The following CATSPERB variants were observed in gnomAD, a reference collection of about 807,000 sequenced individuals.
The protein encoded by CATSPERB is catsper channel auxiliary subunit beta, also known as cation channel sperm-associated auxiliary subunit beta.
Under a neutral mutation model 128.3 loss-of-function variants are expected in CATSPERB, and 93 were observed. The observed-to-expected ratio is 0.72, with a 90% CI of 0.61 to 0.86. The LOEUF (loss-of-function observed/expected upper bound fraction) is 0.86. Ranked by LOEUF, CATSPERB falls within the 40% of genes least tolerant of loss-of-function variation. The probability of loss-of-function intolerance (pLI) is 0.00; values close to 1 mark genes in which losing one functional copy is unlikely to be tolerated. For synonymous variants in CATSPERB, 381 were observed against 448.8 expected (o/e 0.85, Z 1.91); for missense variants, 1,153 against 1,329.5 (o/e 0.87, Z 2.06).
chr14:91,675,504 G>T (rs777661001), intron 11 of CATSPERB, among the ~76,000 whole-genome samples: 1 of 152,200 alleles, frequency 6.6e-6, no homozygotes, highest in Admixed American at 6.5e-5. Flanking sequence ...AGCTGCTTGC[G>T]ACATTGTCTG....
At position 91,725,097 on chromosome 14, in the gene CATSPERB, G is replaced by A. The variant is rs1896097620; in HGVS notation, c.151C>T (p.Leu51Phe). 1 of 1,578,078 alleles carries A rather than the reference G, an allele frequency of 6.3e-7. No homozygotes were observed. Among genetic ancestry groups the A allele is most frequent in the Non-Finnish European group, 8.6e-7 (1 of 1,162,496 alleles). Residue 51 changes from leucine to phenylalanine, a missense_variant, in exon 3 of 27, where the codon CTT (leucine) becomes TTT (phenylalanine). By Grantham distance (22) the Leu-to-Phe change is conservative. Transcript: ENST00000256343. ...GACCTTACCAAGTTTTCTAAGAAAAGATACAACTTGATTATTTCATTCTCT... is the reference window on the plus strand; with the variant it reads ...GACCTTACCAAGTTTTCTAAGAAAAAATACAACTTGATTATTTCATTCTCT... ...PQENEIIKLYLFLENLKIQCF... is the reference protein window; with the variant it reads ...PQENEIIKLYFFLENLKIQCF...
chr14:91,622,846 T>G lies in CATSPERB; in HGVS notation c.1931-909A>C, dbSNP rs1362004140. The stretch of plus-strand genomic sequence containing the variant: ...TTCGAACCCATTCCAATCAGACTTT[T>G]GTCTACATGACTCCAGCCAACAGCT... On this transcript the variant is annotated intron_variant, in intron 18 of 26. Coordinates refer to ENST00000256343, the MANE Select transcript of CATSPERB (RefSeq NM_024764.4). Among the ~76,000 whole-genome samples the G allele has an allele frequency of 2.6e-5, 4 of 152,088 alleles. 1 individual carries two copies. In the East Asian group the frequency reaches 7.7e-4, roughly 29 times the overall value.
At chr14:91,620,664 C>CT (rs964159388) in intron 19 of CATSPERB, among the ~76,000 whole-genome samples, 10 of 151,726 alleles carry the variant, frequency 6.6e-5, no homozygotes, top group Middle Eastern at 3.2e-3. Flanking sequence ...ACTTCAAGGT[C>CT]TTTTTTTTGG....
chr14:91,718,020 G>A (rs1394838730), intron 5 of CATSPERB, among the ~76,000 whole-genome samples: 1 of 152,096 alleles, frequency 6.6e-6, no homozygotes, highest in Non-Finnish European at 1.5e-5. Flanking sequence ...TCCTGTCTGG[G>A]TGACTTTAGA....
At chr14:91,646,041 A>C (rs1894597413) in intron 15 of CATSPERB, 1 of 152,972 alleles carries the variant, frequency 6.5e-6, no homozygotes, top group Non-Finnish European at 1.5e-5. Context: ...TTCCCAGGTG[A>C]GGCAATGCCT....
intron 26 of CATSPERB, among the ~76,000 whole-genome samples, chr14:91,584,292 C>G (rs1286318418): frequency 6.6e-6 from 1 of 152,108 alleles, no homozygotes; most frequent in Non-Finnish European, 1.5e-5. Context: ...TGGTCTCGAA[C>G]TCCTGACCTC....
chr14:91,667,371 G>T (rs1046071177), intron 14 of CATSPERB, among the ~76,000 whole-genome samples: 2 of 152,096 alleles, frequency 1.3e-5, no homozygotes, highest in African/African-American at 4.8e-5. Flanking sequence ...CAGCAGAAAG[G>T]AAAGAGACAA....
At chr14:91,606,973 G>A (rs552305511) in intron 22 of CATSPERB, among the ~76,000 whole-genome samples, 14 of 151,758 alleles carry the variant, frequency 9.2e-5, no homozygotes, top group African/African-American at 2.4e-4. Context: ...GAAACTGGAC[G>A]TGGAGAAGAA....
At chr14:91,705,720 G>A (rs1215711865) in intron 6 of CATSPERB, among the ~76,000 whole-genome samples, 1 of 152,146 alleles carries the variant, frequency 6.6e-6, no homozygotes, top group Non-Finnish European at 1.5e-5. Context: ...CCTAGAATGA[G>A]TGAGGCTCTC....
chr14:91,634,220 CG>C (rs1555361241), intron 17 of CATSPERB, among the ~76,000 whole-genome samples: 1 of 151,980 alleles, frequency 6.6e-6, no homozygotes, highest in Non-Finnish European at 1.5e-5. Context: ...TTAAGAAAAT[CG>C]TAAGAAAGGG....
At chr14:91,599,189 A>G (rs899946663) in intron 22 of CATSPERB, among the ~76,000 whole-genome samples, 11 of 152,218 alleles carry the variant, frequency 7.2e-5, no homozygotes, top group African/African-American at 2.7e-4. Flanking sequence ...GGTCAGGGGC[A>G]TCTCCATTCA....
chr14:91,675,232 T>A (rs1341381178), intron 11 of CATSPERB, among the ~76,000 whole-genome samples: 3 of 152,186 alleles, frequency 2.0e-5, no homozygotes, highest in Non-Finnish European at 2.9e-5. Flanking sequence ...GAGTTGCTCA[T>A]GAATATTAGC....
chr14:91,610,410 G>A, intron 21 of CATSPERB, 70 bp downstream of exon 21: 1 of 1,220,280 alleles, frequency 8.2e-7, no homozygotes. Flanking sequence ...GAAACTGAAT[G>A]GGTAGGCAAT....
At chr14:91,663,203 A>G (rs1163167034) in intron 14 of CATSPERB, among the ~76,000 whole-genome samples, 1 of 152,174 alleles carries the variant, frequency 6.6e-6, no homozygotes. Context: ...ACCTAACCAA[A>G]TAAGAAAACT....
intron 5 of CATSPERB, among the ~76,000 whole-genome samples, chr14:91,708,443 C>T (rs1239658673): frequency 6.6e-6 from 1 of 152,134 alleles, no homozygotes; most frequent in Non-Finnish European, 1.5e-5. Context: ...GATCTTACCA[C>T]CATAGCAATG....
At position 91,587,222 on chromosome 14, in the gene CATSPERB, T is replaced by G; in HGVS notation, c.3112A>C (p.Asn1038His). 1 of 1,604,246 alleles carries G rather than the reference T, an allele frequency of 6.2e-7. No homozygotes were observed. Reference protein sequence around the residue: ...VTVISGVTFCNLIEEFQIYVD... With the variant: ...VTVISGVTFCHLIEEFQIYVD... The stretch of plus-strand genomic sequence containing the variant: ...TTTACCTGAAATTCTTCAATTAAGT[T>G]ACAAAAAGTTACTCCTGAAATGACG... The change falls in exon 26 of 27, where the codon AAC becomes CAC. Residue 1038 changes from asparagine (N) to histidine (H), a missense_variant. Coordinates refer to ENST00000256343, the MANE Select transcript of CATSPERB (RefSeq NM_024764.4).
intron 10 of CATSPERB, among the ~76,000 whole-genome samples, chr14:91,684,737 C>T (rs971903665): frequency 5.3e-5 from 8 of 151,614 alleles, no homozygotes; most frequent in Non-Finnish European, 7.4e-5. Context: ...GCCTCAGCCT[C>T]CTGAGTAGCT....
intron 10 of CATSPERB, 71 bp from the exon 11 acceptor site, chr14:91,684,014 A>G: frequency 8.9e-7 from 1 of 1,126,382 alleles, no homozygotes; most frequent in East Asian, 2.5e-5. Context: ...AAGATAGAAA[A>G]AACTAAAAAA....
intron 14 of CATSPERB, among the ~76,000 whole-genome samples, chr14:91,663,561 C>T (rs1473930912): frequency 6.9e-6 from 1 of 144,894 alleles, no homozygotes; most frequent in Non-Finnish European, 1.5e-5. Context: ...AGAAGAATGG[C>T]GTGAACCCGG....
Sources: allele counts gnomAD v4.1 joint callset (sites outside exome capture counted in the v4.1 genomes callset), GRCh38; gene constraint gnomAD v4.1.1; transcripts MANE v1.5; gene names NCBI Gene and HGNC (gene_info 2026-07-23, HGNC 2026-07-21).